The following CADPS2 variants were observed in gnomAD, a reference collection of about 807,000 sequenced individuals.
CADPS2 encodes calcium-dependent secretion activator 2.
In CADPS2, 93 loss-of-function variants were observed where a neutral mutation model predicts 172.5. That is an observed-to-expected ratio of 0.54 (90% CI 0.46 to 0.64). CADPS2 has a LOEUF of 0.64. CADPS2 is among the 30% of genes least tolerant of loss of function. The probability of loss-of-function intolerance (pLI) is 0.00; values close to 1 mark genes in which losing one functional copy is unlikely to be tolerated. For missense variants in CADPS2, 1,420 were observed against 1,565.9 expected (o/e 0.91, Z 1.57); for synonymous variants, 546 against 555.2 (o/e 0.98, Z 0.23).
intron 7 of CADPS2, among the ~76,000 whole-genome samples, chr7:122,575,760 T>C (rs545987184): frequency 1.3e-5 from 2 of 152,154 alleles, no homozygotes; most frequent in East Asian, 1.9e-4. Flanking sequence ...TCTTAAACAG[T>C]ATATGCTGAG....
intron 25 of CADPS2, among the ~76,000 whole-genome samples, chr7:122,372,028 G>A (rs2041832546): frequency 6.6e-6 from 1 of 152,110 alleles, no homozygotes; most frequent in African/African-American, 2.4e-5. Context: ...CAATGCATTG[G>A]CCACTGTTCT....
chr7:122,731,674 GAA>G (rs35015771), intron 2 of CADPS2, among the ~76,000 whole-genome samples: 56 of 149,548 alleles, frequency 3.7e-4, no homozygotes, highest in African/African-American at 1.3e-3. Flanking sequence ...GTGAAGAGGG[GAA>G]AAAAAAACCC....
intron 14 of CADPS2, among the ~76,000 whole-genome samples, chr7:122,456,869 T>A (rs1279386161): frequency 6.6e-6 from 1 of 152,210 alleles, no homozygotes; most frequent in African/African-American, 2.4e-5. Context: ...AATTTCTCCA[T>A]GAGCTAAGCA....
At chr7:122,709,023 AGTG>A (rs2088171024) in intron 2 of CADPS2, among the ~76,000 whole-genome samples, 1 of 152,104 alleles carries the variant, frequency 6.6e-6, no homozygotes, top group Non-Finnish European at 1.5e-5. Flanking sequence ...TGTTTGAGGC[AGTG>A]GTGAATAGGC....
chr7:122,340,127 G>GA (rs774887549), intron 28 of CADPS2, among the ~76,000 whole-genome samples: 16 of 152,026 alleles, frequency 1.1e-4, no homozygotes, highest in Non-Finnish European at 2.1e-4. Context: ...TCTTTTCACA[G>GA]AAAGTCCTGG....
At chr7:122,666,166 TATATTAC>T (rs1346737271) in intron 2 of CADPS2, among the ~76,000 whole-genome samples, 2 of 152,172 alleles carry the variant, frequency 1.3e-5, no homozygotes, top group Non-Finnish European at 1.5e-5. Context: ...TATGACCTTA[TATATTAC>T]ATTATATACA....
chr7:122,663,248 T>G lies in CADPS2; in HGVS notation c.775A>C (p.Asn259His). 1 of 1,610,146 alleles carries G rather than the reference T, an allele frequency of 6.2e-7. No individual in the cohort carries two copies. Among genetic ancestry groups the G allele is most frequent in the Non-Finnish European group, 8.5e-7 (1 of 1,177,106 alleles). ...CAGAGACCACTTACCTGACATGCATTATAAAGGAGCTGGTGTTCCAGTTTT... is the reference window on the plus strand; with the variant it reads ...CAGAGACCACTTACCTGACATGCATGATAAAGGAGCTGGTGTTCCAGTTTT... ...IKKLEHQLLY[N>H]ACQLDNADEQ... The change falls in exon 3 of 30, where the codon AAT becomes CAT. Residue 259 changes from asparagine (N) to histidine (H), a missense_variant. Transcript: ENST00000449022.
chr7:122,650,796 GA>G (rs2079073739), intron 3 of CADPS2, among the ~76,000 whole-genome samples: 1 of 152,074 alleles, frequency 6.6e-6, no homozygotes, highest in African/African-American at 2.4e-5. Flanking sequence ...TTTGAGAGCG[GA>G]AACTTAATTC....
intron 19 of CADPS2, chr7:122,409,555 T>A (rs1348918570): frequency 4.7e-6 from 2 of 422,574 alleles, no homozygotes. Flanking sequence ...TATATTTATA[T>A]CTCAAGTTGT....
At chr7:122,758,028 A>G (rs1589022228) in intron 1 of CADPS2, among the ~76,000 whole-genome samples, 1 of 152,340 alleles carries the variant, frequency 6.6e-6, no homozygotes, top group East Asian at 1.9e-4. Flanking sequence ...TAAAAAGTCA[A>G]CATCATTTGA....
At chr7:122,848,909 G>GA (rs35830455) in intron 1 of CADPS2, among the ~76,000 whole-genome samples, 29,895 of 151,774 alleles carry the variant, frequency 0.2, 3,055 homozygotes, top group Middle Eastern at 0.3. Flanking sequence ...ACTTTACTAA[G>GA]AAAAAAAATG....
At chr7:122,589,870 A>C (rs2070469531) in intron 6 of CADPS2, among the ~76,000 whole-genome samples, 1 of 151,922 alleles carries the variant, frequency 6.6e-6, no homozygotes, top group South Asian at 2.1e-4. Flanking sequence ...GTGTGTACTT[A>C]AACGTATATT....
chr7:122,733,649 G>A (rs1326328151), intron 2 of CADPS2, among the ~76,000 whole-genome samples: 2 of 151,928 alleles, frequency 1.3e-5, no homozygotes, highest in African/African-American at 4.8e-5. Flanking sequence ...TCACACCTCT[G>A]TTTAACTTTG....
intron 1 of CADPS2, among the ~76,000 whole-genome samples, chr7:122,830,952 A>G (rs911950564): frequency 1.3e-5 from 2 of 152,176 alleles, no homozygotes; most frequent in African/African-American, 4.8e-5. Context: ...AAATAGAAAA[A>G]CTAGAGGATT....
intron 5 of CADPS2, 143 bp downstream of exon 5, chr7:122,621,338 T>C: frequency 1.7e-6 from 1 of 602,504 alleles, no homozygotes; most frequent in South Asian, 2.4e-5. Flanking sequence ...ATAAGCTGAG[T>C]GTCCAACAAA....
chr7:122,358,272 T>C (rs1428405287), intron 27 of CADPS2, among the ~76,000 whole-genome samples: 2 of 152,160 alleles, frequency 1.3e-5, no homozygotes, highest in East Asian at 3.9e-4. Context: ...ATATCTTTCT[T>C]GTTGCAGTGC....
At chr7:122,448,103 A>C (rs1420996130) in intron 15 of CADPS2, among the ~76,000 whole-genome samples, 3 of 152,108 alleles carry the variant, frequency 2.0e-5, no homozygotes, top group Non-Finnish European at 1.5e-5. Context: ...GTTGAAGAAA[A>C]GGATCTTTTA....
chr7:122,696,883 G>A (rs1434931789), intron 2 of CADPS2, among the ~76,000 whole-genome samples: 3 of 151,978 alleles, frequency 2.0e-5, no homozygotes, highest in East Asian at 1.9e-4. Flanking sequence ...AAAAATACTC[G>A]AGTGCCAGGA....
chr7:122,720,502 A>T (rs893661818), intron 2 of CADPS2, among the ~76,000 whole-genome samples: 2 of 151,068 alleles, frequency 1.3e-5, no homozygotes, highest in African/African-American at 4.9e-5. Flanking sequence ...ATATGTATAT[A>T]CGTATAAGTA....
Sources: allele counts gnomAD v4.1 joint callset (sites outside exome capture counted in the v4.1 genomes callset), GRCh38; gene constraint gnomAD v4.1.1; transcripts MANE v1.5; gene names NCBI Gene and HGNC (gene_info 2026-07-23, HGNC 2026-07-21).